The following MERTK variants were observed in gnomAD, a reference collection of about 807,000 sequenced individuals.
MERTK encodes tyrosine-protein kinase Mer.
Under a neutral mutation model 99.3 loss-of-function variants are expected in MERTK, and 69 were observed. The ratio of observed to expected loss-of-function variants is 0.70; its 90% CI spans 0.57 to 0.85. MERTK has a LOEUF of 0.85. Among genes scored for constraint, MERTK ranks in the 40% least tolerant of loss-of-function variants. The probability of loss-of-function intolerance (pLI) is 0.00; values close to 1 mark genes in which losing one functional copy is unlikely to be tolerated. For synonymous variants in MERTK, 426 were observed against 467.6 expected, an observed-to-expected ratio of 0.91 and a Z score of 1.15; for missense variants, 1,125 against 1,249.4, an observed-to-expected ratio of 0.90 and a Z score of 1.50.
intron 5 of MERTK, among the ~76,000 whole-genome samples, chr2:111,966,739 T>G (rs1161314328): frequency 6.6e-6 from 1 of 152,194 alleles, no homozygotes; most frequent in Non-Finnish European, 1.5e-5. Context: ...GGCAGATGCT[T>G]TAGGGCAGTT....
intron 18 of MERTK, chr2:112,022,725 C>T (rs1054508924): frequency 2.5e-5 from 12 of 474,304 alleles, no homozygotes; most frequent in Non-Finnish European, 4.4e-5. Flanking sequence ...ATAGCTTCGC[C>T]TTGTAGTGCA....
At chr2:111,953,326 A>G (rs955136660) in intron 4 of MERTK, among the ~76,000 whole-genome samples, 1 of 152,198 alleles carries the variant, frequency 6.6e-6, no homozygotes, top group Non-Finnish European at 1.5e-5. Context: ...ATCAATACGC[A>G]GTATACCGCA....
chr2:111,948,367 C>G (rs1684997253), intron 4 of MERTK, among the ~76,000 whole-genome samples: 1 of 152,166 alleles, frequency 6.6e-6, no homozygotes, highest in South Asian at 2.1e-4. Flanking sequence ...CCTGGGTCCC[C>G]TTCTTTTACT....
At chr2:111,955,760 A>T (rs2104712551) in intron 4 of MERTK, among the ~76,000 whole-genome samples, 1 of 152,212 alleles carries the variant, frequency 6.6e-6, no homozygotes, top group East Asian at 1.9e-4. Flanking sequence ...ATTTCAAAAT[A>T]AAAAGTTTCT....
At chr2:111,951,716 A>G (rs1000634564) in intron 4 of MERTK, among the ~76,000 whole-genome samples, 2 of 151,528 alleles carry the variant, frequency 1.3e-5, no homozygotes, top group African/African-American at 2.4e-5. Flanking sequence ...GATGAATCAT[A>G]TGGTAGTTCT....
chr2:112,027,308 G>A (rs911695779), intron 18 of MERTK, among the ~76,000 whole-genome samples: 29 of 149,804 alleles, frequency 1.9e-4, no homozygotes, highest in African/African-American at 5.6e-4. Context: ...GTGTGTGTGT[G>A]TGTATATATA....
At chr2:111,997,147 G>A (rs1345011519) in intron 9 of MERTK, 176 bp from the exon 10 acceptor site, 1 of 802,758 alleles carries the variant, frequency 1.2e-6, no homozygotes, top group African/African-American at 1.7e-5. Context: ...TTTCCCATCA[G>A]TTATTAAGAT....
rs766810501 is a variant in MERTK at position 111,898,847 on chromosome 2, G to A, written c.61+51G>A. Reference sequence around the variant, plus strand: ...GCGAGGGGGTGGGGGCTCCCAGGAGGAAGCAGGGGCCTCTGGGGAGGGAGC... The same window carrying A: ...GCGAGGGGGTGGGGGCTCCCAGGAGAAAGCAGGGGCCTCTGGGGAGGGAGC... On this transcript the variant is annotated intron_variant, in intron 1 of 18. Transcript: ENST00000295408. 3.3e-6 allele frequency: 5 copies of A among 1,538,034 alleles called. No individual in the cohort carries two copies. The South Asian group carries it at 6.0e-5, about 18-fold the overall frequency.
intron 6 of MERTK, among the ~76,000 whole-genome samples, chr2:111,971,132 C>T (rs1186148187): frequency 6.6e-6 from 1 of 151,906 alleles, no homozygotes; most frequent in Non-Finnish European, 1.5e-5. Flanking sequence ...TCCATTATAA[C>T]CTTTTTTATT....
chr2:111,944,532 T>TATTCCTTAACATAATTGCTCTGTTTTA (rs1165092501), intron 2 of MERTK, among the ~76,000 whole-genome samples: 1 of 152,176 alleles, frequency 6.6e-6, no homozygotes, highest in Non-Finnish European at 1.5e-5. Context: ...TTTAAGGAAT[T>TATTCCTTAACATAATTGCTCTGTTTTA]AGCTCACACA....
chr2:111,942,646 C>G (rs1684885884), intron 2 of MERTK, among the ~76,000 whole-genome samples: 1 of 152,180 alleles, frequency 6.6e-6, no homozygotes, highest in Non-Finnish European at 1.5e-5. Context: ...TCCCTGGGAC[C>G]TCCCCCATGC....
At chr2:112,028,011 T>C (rs1677504614) in intron 18 of MERTK, among the ~76,000 whole-genome samples, 2 of 152,202 alleles carry the variant, frequency 1.3e-5, no homozygotes, top group Non-Finnish European at 2.9e-5. Flanking sequence ...AATAAAACTT[T>C]ATTTACAAAG....
intron 4 of MERTK, among the ~76,000 whole-genome samples, chr2:111,960,480 CAAAAAAAAAAAAAA>C (rs61179378): frequency 1.3e-5 from 1 of 75,948 alleles, no homozygotes; most frequent in Non-Finnish European, 2.6e-5. Context: ...GTCTCAGTCT[CAAAAAAAAAAAAAA>C]AAAAAAAGAA....
intron 10 of MERTK, among the ~76,000 whole-genome samples, chr2:111,999,850 T>C (rs1676831000): frequency 6.6e-6 from 1 of 152,178 alleles, no homozygotes; most frequent in Non-Finnish European, 1.5e-5. Context: ...AGGTTTGGTA[T>C]AGGCAGTGGA....
chr2:111,917,090 C>T (rs914734787), intron 1 of MERTK, among the ~76,000 whole-genome samples: 11 of 152,184 alleles, frequency 7.2e-5, no homozygotes, highest in South Asian at 2.1e-4. Context: ...AGGATGGCCT[C>T]CTTTCTGGTT....
intron 4 of MERTK, among the ~76,000 whole-genome samples, chr2:111,959,616 G>A (rs754521306): frequency 6.6e-6 from 1 of 152,118 alleles, no homozygotes; most frequent in Non-Finnish European, 1.5e-5. Flanking sequence ...TGGGAATACA[G>A]GTGCATGTCA....
At chr2:111,968,296 C>T in intron 6 of MERTK, 44 bp downstream of exon 6, 1 of 1,500,128 alleles carries the variant, frequency 6.7e-7, no homozygotes. Context: ...TTGGTGCTCT[C>T]TGTGGGTTTA....
intron 2 of MERTK, among the ~76,000 whole-genome samples, chr2:111,934,319 A>G (rs1364155524): frequency 2.0e-5 from 3 of 152,186 alleles, no homozygotes; most frequent in Non-Finnish European, 1.5e-5. Context: ...CAAAGGTTAA[A>G]CTAATGTACA....
At chr2:112,022,125 G>A (rs144356374) in intron 17 of MERTK, 133 bp from the exon 18 acceptor site, 39 of 1,232,654 alleles carry the variant, frequency 3.2e-5, no homozygotes, top group African/African-American at 1.2e-4. Context: ...TGGGAGAGCA[G>A]TGCGTCTCAC....
Sources: allele counts gnomAD v4.1 joint callset (sites outside exome capture counted in the v4.1 genomes callset), GRCh38; gene constraint gnomAD v4.1.1; transcripts MANE v1.5; gene names NCBI Gene and HGNC (gene_info 2026-07-23, HGNC 2026-07-21).